The following NECAB1 variants were observed in gnomAD, a reference collection of about 807,000 sequenced individuals.
NECAB1 encodes the protein N-terminal EF-hand calcium-binding protein 1.
In NECAB1, 29 loss-of-function variants were observed where a neutral mutation model predicts 57.5. That is an observed-to-expected ratio of 0.50 (90% confidence interval 0.38 to 0.69). The LOEUF (loss-of-function observed/expected upper bound fraction) is 0.69. Ranked by LOEUF, NECAB1 falls within the 30% of genes least tolerant of loss-of-function variation. The pLI, the probability that NECAB1 is intolerant of heterozygous loss-of-function variation, is 0.00. For missense variants in NECAB1, 372 were observed against 413.8 expected (o/e 0.90, Z 0.88); for synonymous variants, 142 against 147.7 (o/e 0.96, Z 0.28).
intron 5 of NECAB1, among the ~76,000 whole-genome samples, chr8:90,885,787 A>G (rs1436208323): frequency 2.0e-5 from 3 of 152,188 alleles, no homozygotes; most frequent in Admixed American, 2.0e-4. Context: ...CATTTCTGGT[A>G]TTAGGTACCT....
intron 2 of NECAB1, among the ~76,000 whole-genome samples, chr8:90,818,035 A>G (rs909192580): frequency 6.6e-6 from 1 of 151,858 alleles, no homozygotes; most frequent in Non-Finnish European, 1.5e-5. Context: ...GTGTCTTTCA[A>G]TGAATTGATC....
At chr8:90,917,904 GTATA>G (rs1211409597) in intron 6 of NECAB1, among the ~76,000 whole-genome samples, 1 of 118,428 alleles carries the variant, frequency 8.4e-6, no homozygotes, top group Non-Finnish European at 1.7e-5. Context: ...ATGTCTGTGT[GTATA>G]TATATACACA....
intron 8 of NECAB1, among the ~76,000 whole-genome samples, chr8:90,931,653 C>T (rs528060523): frequency 1.1e-4 from 16 of 152,258 alleles, no homozygotes; most frequent in African/African-American, 7.2e-5. Flanking sequence ...CCTGTAATCC[C>T]GGCACTTTGG....
At chr8:90,864,812 C>T (rs767704717) in intron 3 of NECAB1, among the ~76,000 whole-genome samples, 3 of 152,070 alleles carry the variant, frequency 2.0e-5, no homozygotes, top group Non-Finnish European at 2.9e-5. Flanking sequence ...TGTCATCTTA[C>T]CTTAGCCACT....
Position 90,888,735 on chromosome 8 carries a change from A to G in NECAB1, c.357+7605A>G, listed in dbSNP as rs1432098593. Among the ~76,000 whole-genome samples, 3 of 152,176 alleles carry G rather than the reference A, an allele frequency of 2.0e-5. No homozygotes were observed. In the East Asian group the frequency reaches 5.8e-4, roughly 29 times the overall value. On this transcript the variant is annotated intron_variant, in intron 5 of 12. Transcript: ENST00000417640. ...TTTCAAAAAGAAAATGAATATGTGC[A>G]AAAAAAGCTATTATAGGTGCTTCCC...
chr8:90,886,010 C>A (rs1808976280), intron 5 of NECAB1, among the ~76,000 whole-genome samples: 1 of 152,048 alleles, frequency 6.6e-6, no homozygotes, highest in African/African-American at 2.4e-5. Flanking sequence ...TAATTAAATC[C>A]TGAAATCAAA....
chr8:90,847,631 G>A (rs1300653428), intron 3 of NECAB1, among the ~76,000 whole-genome samples: 1 of 152,224 alleles, frequency 6.6e-6, no homozygotes, highest in African/African-American at 2.4e-5. Context: ...AGACATCCAG[G>A]TGTTTTCTTA....
chr8:90,954,521 A>G lies in NECAB1; in HGVS notation c.1031-966A>G, dbSNP rs529048511. Among the ~76,000 whole-genome samples the G allele has an allele frequency of 1.1e-4, 17 of 152,240 alleles. No individual in the cohort carries two copies. The South Asian group carries it at 3.5e-3, about 32-fold the overall frequency. On this transcript the variant is annotated intron_variant, in intron 12 of 12. Coordinates refer to ENST00000417640, the MANE Select transcript of NECAB1 (RefSeq NM_022351.5). ...AACAGGATACAAAAAAAAAGATCCT[A>G]TTGCCAGCAAATTACTTGAACAGTT...
intron 2 of NECAB1, among the ~76,000 whole-genome samples, chr8:90,814,070 C>G (rs960813607): frequency 4.6e-5 from 7 of 152,332 alleles, no homozygotes; most frequent in African/African-American, 1.7e-4. Context: ...TGCATTCAGT[C>G]ATTATGTCTC....
At chr8:90,824,864 C>T in intron 3 of NECAB1, 39 bp downstream of exon 3, 2 of 1,067,964 alleles carry the variant, frequency 1.9e-6, no homozygotes, top group Non-Finnish European at 2.7e-6. Context: ...ACAAGTGAGG[C>T]ACAGAGAGCG....
chr8:90,823,086 CAG>C, intron 2 of NECAB1, among the ~76,000 whole-genome samples: 1 of 151,824 alleles, frequency 6.6e-6, no homozygotes, highest in Non-Finnish European at 1.5e-5. Flanking sequence ...CATTCAAAAA[CAG>C]AAACACAAAA....
chr8:90,899,867 T>G (rs963935393), intron 5 of NECAB1, among the ~76,000 whole-genome samples: 1 of 152,126 alleles, frequency 6.6e-6, no homozygotes, highest in South Asian at 2.1e-4. Context: ...TGAAACAGAA[T>G]AGTTCTGAAA....
Position 90,940,805 on chromosome 8 carries a change from G to T in NECAB1, c.767G>T (p.Arg256Leu). Residue 256 changes from arginine to leucine, a missense_variant, in exon 10 of 13, where the codon CGG (arginine) becomes CTG (leucine). Coordinates refer to ENST00000417640, the MANE Select transcript of NECAB1 (RefSeq NM_022351.5). ...TGGCAGCACATCATGCTTGTGCAGC[G>T]GCAGATGTCTGTGATAGAAGAGGAC... Reference protein sequence around the residue: ...NTKSHIMLVQRQMSVIEEDLE... With the variant: ...NTKSHIMLVQLQMSVIEEDLE... 1 of 1,561,606 alleles carries T rather than the reference G, an allele frequency of 6.4e-7. No homozygotes were observed. Among genetic ancestry groups the T allele is most frequent in the Non-Finnish European group, 8.7e-7 (1 of 1,152,468 alleles).
chr8:90,863,592 A>G (rs189381734), intron 3 of NECAB1, among the ~76,000 whole-genome samples: 2 of 152,288 alleles, frequency 1.3e-5, no homozygotes, highest in Admixed American at 1.3e-4. Context: ...TTATTAGCAA[A>G]AACAATTTAT....
At chr8:90,839,633 A>G (rs1309989420) in intron 3 of NECAB1, among the ~76,000 whole-genome samples, 1 of 152,184 alleles carries the variant, frequency 6.6e-6, no homozygotes, top group African/African-American at 2.4e-5. Flanking sequence ...GGAGATAGAG[A>G]TGATGTTTTC....
chr8:90,926,253 C>T (rs559402256), intron 7 of NECAB1, among the ~76,000 whole-genome samples: 10 of 152,158 alleles, frequency 6.6e-5, no homozygotes, highest in Non-Finnish European at 1.5e-4. Flanking sequence ...TATATACATG[C>T]ACATATGTCA....
intron 8 of NECAB1, among the ~76,000 whole-genome samples, chr8:90,929,194 T>TA (rs1291910881): frequency 6.6e-6 from 1 of 152,148 alleles, no homozygotes; most frequent in Non-Finnish European, 1.5e-5. Context: ...CGAGACATGT[T>TA]AAAGGAATGG....
At chr8:90,808,120 A>G (rs557684083) in intron 2 of NECAB1, among the ~76,000 whole-genome samples, 1 of 152,278 alleles carries the variant, frequency 6.6e-6, no homozygotes, top group Non-Finnish European at 1.5e-5. Flanking sequence ...AGCTGGGTTT[A>G]TCAGCTGCCA....
At chr8:90,819,461 G>T (rs1268073707) in intron 2 of NECAB1, among the ~76,000 whole-genome samples, 4 of 151,872 alleles carry the variant, frequency 2.6e-5, no homozygotes, top group African/African-American at 9.7e-5. Flanking sequence ...CACTAGGATG[G>T]GCTGTGTTTA....
Sources: gnomAD v4.1 joint callset for allele counts (sites outside exome capture counted in the v4.1 genomes callset) on GRCh38, gnomAD v4.1.1 for gene constraint, MANE v1.5 for transcripts, NCBI Gene and HGNC (gene_info 2026-07-23, HGNC 2026-07-21) for gene names.